Variants in ZNF536 observed in about 807,000 individuals in gnomAD.
ZNF536 encodes zinc finger protein 536.
A neutral mutation model predicts 84.5 loss-of-function variants in ZNF536; 13 were observed. That is an observed-to-expected ratio of 0.15 (90% confidence interval 0.10 to 0.24). ZNF536 has a LOEUF of 0.24. Ranked by LOEUF, ZNF536 falls within the 10% of genes least tolerant of loss-of-function variation. The pLI, the probability that ZNF536 is intolerant of heterozygous loss-of-function variation, is 1.00. For synonymous variants in ZNF536, 811 were observed against 742.5 expected, an observed-to-expected ratio of 1.09 and a Z score of -1.50; for missense variants, 1,536 against 1,747.5, an observed-to-expected ratio of 0.88 and a Z score of 2.16.
At chr19:30,312,892 C>T (rs1486484797) in intron 2 of ZNF536, among the ~76,000 whole-genome samples, 1 of 152,248 alleles carries the variant, frequency 6.6e-6, no homozygotes, top group Non-Finnish European at 1.5e-5. Context: ...GGACCGTTTC[C>T]TCTTTTGCAA....
At chr19:30,437,761 T>G (rs1170636644) in intron 1 of ZNF536, among the ~76,000 whole-genome samples, 2 of 152,238 alleles carry the variant, frequency 1.3e-5, no homozygotes, top group African/African-American at 2.4e-5. Context: ...CTCAAGAGTT[T>G]ACAGTGGCCT....
At chr19:30,552,798 A>T (rs1409557204) in intron 4 of ZNF536, among the ~76,000 whole-genome samples, 2 of 152,202 alleles carry the variant, frequency 1.3e-5, no homozygotes, top group African/African-American at 4.8e-5. Context: ...CGCCTGTTGC[A>T]TATGACAGTG....
chr19:30,314,280 G>A (rs537122314), intron 2 of ZNF536, among the ~76,000 whole-genome samples: 3 of 152,310 alleles, frequency 2.0e-5, no homozygotes, highest in South Asian at 2.1e-4. Flanking sequence ...CGAGCGGGGC[G>A]GTGCGGGCTG....
At chr19:30,609,752 A>G (rs937813938) in intron 1 of ZNF536, among the ~76,000 whole-genome samples, 5 of 148,604 alleles carry the variant, frequency 3.4e-5, no homozygotes, top group Middle Eastern at 3.2e-3. Flanking sequence ...CCACCCATCC[A>G]CCTATCCATC....
intron 2 of ZNF536, among the ~76,000 whole-genome samples, chr19:30,316,872 A>G (rs572637540): frequency 2.0e-5 from 3 of 152,308 alleles, no homozygotes; most frequent in South Asian, 4.1e-4. Flanking sequence ...TGGGATGCTA[A>G]GATACCCGCC....
At chr19:30,487,367 G>T (rs974598784) in intron 2 of ZNF536, among the ~76,000 whole-genome samples, 1 of 152,184 alleles carries the variant, frequency 6.6e-6, no homozygotes, top group African/African-American at 2.4e-5. Flanking sequence ...GTTTTCAGGA[G>T]TGTGCACAAG....
intron 1 of ZNF536, among the ~76,000 whole-genome samples, chr19:30,700,238 T>TTCTTTCTTTCTC (rs1190837525): frequency 1.0e-5 from 1 of 97,916 alleles, no homozygotes; most frequent in Non-Finnish European, 2.2e-5. Context: ...CTTTCTTTCT[T>TTCTTTCTTTCTC]TCTCTCTCTC....
intron 1 of ZNF536, among the ~76,000 whole-genome samples, chr19:30,402,712 C>T (rs568873276): frequency 5.4e-4 from 81 of 149,704 alleles, no homozygotes; most frequent in African/African-American, 1.9e-3. Flanking sequence ...CAGAGCATCT[C>T]GAGTCATATT....
chr19:30,243,415 G>C (rs1304989748), intron 1 of ZNF536, among the ~76,000 whole-genome samples: 1 of 152,152 alleles, frequency 6.6e-6, no homozygotes, highest in Non-Finnish European at 1.5e-5. Context: ...TGAACCAACA[G>C]TTCTTTTTCC....
chr19:30,545,427 T>C (rs2045509015), intron 3 of ZNF536, among the ~76,000 whole-genome samples: 1 of 139,438 alleles, frequency 7.2e-6, no homozygotes, highest in Admixed American at 7.3e-5. Context: ...AGATGGAGTC[T>C]TGCTCTGTCG....
At chr19:30,513,117 T>C (rs907096865) in intron 2 of ZNF536, among the ~76,000 whole-genome samples, 4 of 152,108 alleles carry the variant, frequency 2.6e-5, no homozygotes, top group Non-Finnish European at 4.4e-5. Flanking sequence ...ATTAGAATAA[T>C]GGAAAGCATT....
rs190788691 is a variant in ZNF536 at position 30,314,665 on chromosome 19, C to T, written c.-120+30524C>T. Among the ~76,000 whole-genome samples, 664 of 152,246 alleles carry T rather than the reference C, an allele frequency of 4.4e-3. 7 individuals are homozygous for T. Among genetic ancestry groups the T allele is most frequent in the Admixed American group, 5.1e-3 (78 of 15,292 alleles). On this transcript the variant is annotated intron_variant, in intron 2 of 5. Transcript: ENST00000585628. Reference sequence around the variant, plus strand: ...TCCCTGTGGGCCTGTGCTCTGATCCCGGCTCGCTGGGGAGGTCCCTTCTCT... The same window carrying T: ...TCCCTGTGGGCCTGTGCTCTGATCCTGGCTCGCTGGGGAGGTCCCTTCTCT...
chr19:30,544,023 A>G (rs1251044419), intron 3 of ZNF536, among the ~76,000 whole-genome samples: 2 of 152,160 alleles, frequency 1.3e-5, no homozygotes, highest in South Asian at 2.1e-4. Context: ...TTTGAGATAG[A>G]GGGCAGGGGT....
Position 30,693,079 on chromosome 19 carries a change from G to A in ZNF536, c.170-17678G>A, listed in dbSNP as rs11880282. Reference sequence around the variant, plus strand: ...GTGTATACGTGTGCAGCGTGGAGGTGCTACTAGTGTGTGCTTGCACATGGT... The same window carrying A: ...GTGTATACGTGTGCAGCGTGGAGGTACTACTAGTGTGTGCTTGCACATGGT... On this transcript the variant is annotated intron_variant, in intron 1 of 1. Transcript: ENST00000592773. 1.3e-3 allele frequency among the ~76,000 whole-genome samples: 192 copies of A among 152,154 alleles called. 1 individual carries two copies. Among genetic ancestry groups the A allele is most frequent in the African/African-American group, 4.5e-3 (188 of 41,502 alleles).
At chr19:30,472,756 G>T (rs2053688487) in intron 2 of ZNF536, among the ~76,000 whole-genome samples, 1 of 152,044 alleles carries the variant, frequency 6.6e-6, no homozygotes, top group Non-Finnish European at 1.5e-5. Context: ...CTTAACTCTT[G>T]CTTCAAAGGA....
intron 4 of ZNF536, among the ~76,000 whole-genome samples, chr19:30,550,955 T>C (rs914481326): frequency 6.6e-6 from 1 of 152,174 alleles, no homozygotes; most frequent in African/African-American, 2.4e-5. Flanking sequence ...TCATTACTTT[T>C]GAAGCTGTTA....
chr19:30,660,293 A>G (rs920697328), intron 1 of ZNF536, among the ~76,000 whole-genome samples: 10 of 152,214 alleles, frequency 6.6e-5, no homozygotes, highest in African/African-American at 2.2e-4. Flanking sequence ...TGAGTGTCAG[A>G]GCACACACCT....
chr19:30,467,669 C>G (rs1055568237), intron 2 of ZNF536, among the ~76,000 whole-genome samples: 2 of 152,222 alleles, frequency 1.3e-5, no homozygotes, highest in Non-Finnish European at 2.9e-5. Context: ...GTATCCTATG[C>G]TACTGGCTCT....
At chr19:30,263,356 G>A (rs1346364523) in intron 1 of ZNF536, among the ~76,000 whole-genome samples, 1 of 152,120 alleles carries the variant, frequency 6.6e-6, no homozygotes, top group Admixed American at 6.5e-5. Flanking sequence ...CCACACTGCA[G>A]TGCCATCACC....
Sources: gnomAD v4.1 joint callset for allele counts (sites outside exome capture counted in the v4.1 genomes callset) on GRCh38, gnomAD v4.1.1 for gene constraint, MANE v1.5 for transcripts, NCBI Gene and HGNC (gene_info 2026-07-23, HGNC 2026-07-21) for gene names.